IFNAR1: variants seen among roughly 807,000 people sequenced by gnomAD.
IFNAR1 encodes interferon alpha/beta receptor 1.
Under a neutral mutation model 62.1 loss-of-function variants are expected in IFNAR1, and 47 were observed. The ratio of observed to expected loss-of-function variants is 0.76; its 90% CI spans 0.60 to 0.97. The LOEUF (loss-of-function observed/expected upper bound fraction) is 0.97. IFNAR1 is among the 50% of genes least tolerant of loss of function. The pLI is 0.00. For synonymous variants in IFNAR1, 219 were observed against 226.9 expected (o/e 0.97, Z 0.31); for missense variants, 638 against 654.5 (o/e 0.97, Z 0.27).
At chr21:33,324,726 T>G, upstream of IFNAR1, 46 of 355,968 alleles carry the variant, frequency 1.3e-4, no homozygotes, top group East Asian at 2.1e-4. Flanking sequence ...AGACCGGCCA[T>G]AGGCCGGAAA....
intron 5 of IFNAR1, among the ~76,000 whole-genome samples, chr21:33,344,874 G>T (rs534572677): frequency 4.7e-4 from 71 of 151,948 alleles, no homozygotes; most frequent in African/African-American, 1.7e-3. Context: ...CGCAACCTCT[G>T]CCTCCCAGCT....
chr21:33,343,669 G>C lies in IFNAR1; in HGVS notation c.666G>C (p.Lys222Asn). The change falls in exon 5 of 11, where the codon AAG becomes AAC. Residue 222 changes from lysine (K) to asparagine (N), a missense_variant. Lys to Asn is a moderately conservative substitution (Grantham distance 94). Transcript: ENST00000270139. ...IGVYSPVHCIKTTVENELPPP... is the reference protein window; with the variant it reads ...IGVYSPVHCINTTVENELPPP... ...TCTATAGTCCAGTACATTGTATAAA[G>C]ACCACAGGTAAGGAAGATGTTTTGT... 6.3e-7 allele frequency: 1 copy of C among 1,584,362 alleles called. No homozygotes were observed.
intron 8 of IFNAR1, 122 bp from the exon 9 acceptor site, chr21:33,352,636 A>G: frequency 1.9e-6 from 1 of 533,404 alleles, no homozygotes; most frequent in Non-Finnish European, 3.3e-6. Context: ...CAAAACAAAA[A>G]ATACATACCA....
chr21:33,344,962 A>G (rs2083331603), intron 5 of IFNAR1, among the ~76,000 whole-genome samples: 1 of 151,498 alleles, frequency 6.6e-6, no homozygotes, highest in South Asian at 2.1e-4. Context: ...TAATTTTTGT[A>G]TTTTTAGTAG....
chr21:33,341,254 A>G, intron 3 of IFNAR1, 80 bp downstream of exon 3: 1 of 1,083,030 alleles, frequency 9.2e-7, no homozygotes, highest in East Asian at 2.5e-5. Flanking sequence ...ATTCATTTGC[A>G]TGATGCAAAA....
chr21:33,354,076 C>T (rs1289794660), intron 10 of IFNAR1, among the ~76,000 whole-genome samples: 1 of 152,242 alleles, frequency 6.6e-6, no homozygotes, highest in African/African-American at 2.4e-5. Context: ...AGCGTGGTGG[C>T]TCACGCCTGT....
chr21:33,333,135 A>C (rs1235881709), intron 1 of IFNAR1, among the ~76,000 whole-genome samples: 1 of 152,244 alleles, frequency 6.6e-6, no homozygotes, highest in Admixed American at 6.5e-5. Flanking sequence ...ATTTAAGAAA[A>C]TCCCCATTCA....
At chr21:33,336,321 CATT>C (rs2083234336) in intron 2 of IFNAR1, among the ~76,000 whole-genome samples, 1 of 129,602 alleles carries the variant, frequency 7.7e-6, no homozygotes, top group African/African-American at 3.0e-5. Flanking sequence ...TCCAGTCTAT[CATT>C]GTTGGACATT....
rs2083444081 is a variant in IFNAR1, at chr21:33,356,018, A to G, written c.*469A>G. On this transcript the variant is annotated 3_prime_UTR_variant, in exon 11 of 11. Coordinates refer to ENST00000270139, the MANE Select transcript of IFNAR1 (RefSeq NM_000629.3). Reference sequence around the variant, plus strand: ...TGACAGCGTGAGACTCTTTAAAAAAAGAAATTAAAAGAGTTGAGACAAACG... The same window carrying G: ...TGACAGCGTGAGACTCTTTAAAAAAGGAAATTAAAAGAGTTGAGACAAACG... The G allele has an allele frequency of 6.6e-6, 1 of 152,256 alleles. No individual in the cohort carries two copies. The highest frequency in any genetic ancestry group is 1.5e-5 in the Non-Finnish European group (1 of 68,074). 9.4% of individuals were successfully genotyped at this position (152,256 alleles called of 1,614,324 possible).
At chr21:33,339,431 G>C (rs1016640446) in intron 2 of IFNAR1, among the ~76,000 whole-genome samples, 3 of 152,140 alleles carry the variant, frequency 2.0e-5, no homozygotes, top group Admixed American at 2.0e-4. Context: ...AGGTAGACTT[G>C]TATTTGGTTC....
At chr21:33,349,067 T>A (rs1199192554) in intron 6 of IFNAR1, 24 bp from the exon 7 acceptor site, 2 of 1,438,602 alleles carry the variant, frequency 1.4e-6, no homozygotes. Context: ...ATCTAATGAA[T>A]TTAAAAAATA....
chr21:33,333,492 A>G (rs1159730941), intron 1 of IFNAR1, among the ~76,000 whole-genome samples: 1 of 152,212 alleles, frequency 6.6e-6, no homozygotes, highest in African/African-American at 2.4e-5. Flanking sequence ...TAAGAGAGGA[A>G]GAAAGGGGCA....
Position 33,344,471 on chromosome 21 carries a change from T to C in IFNAR1, c.674-775T>C, listed in dbSNP as rs17875879. The stretch of plus-strand genomic sequence containing the variant: ...TTTAATCAAACATTACGGAAGGGTT[T>C]AAAGTGAAGTCTTCTTCTCCCTTCT... On this transcript the variant is annotated intron_variant, in intron 5 of 10. Coordinates refer to ENST00000270139, the MANE Select transcript of IFNAR1 (RefSeq NM_000629.3). Among the ~76,000 whole-genome samples the C allele has an allele frequency of 4.8e-3, 705 of 147,634 alleles. 6 individuals are homozygous for C. Among genetic ancestry groups the C allele is most frequent in the African/African-American group, 0.013 (526 of 41,120 alleles).
At chr21:33,351,367 C>T (rs985784972) in intron 8 of IFNAR1, among the ~76,000 whole-genome samples, 1 of 152,020 alleles carries the variant, frequency 6.6e-6, no homozygotes, top group African/African-American at 2.4e-5. Context: ...AAATGTATTC[C>T]ACATAGTCTC....
rs1391085211 is a variant in IFNAR1 at position 33,349,076 on chromosome 21, TA to T, written c.789-14del. ...ATAAATATCTAATGAATTTAAAAAA[TA>T]TTTGTCTTAAAAGCGCCTTTTTAAA... On this transcript the variant is annotated splice_polypyrimidine_tract_variant and intron_variant, in intron 6 of 10. Coordinates refer to ENST00000270139, the MANE Select transcript of IFNAR1 (RefSeq NM_000629.3). 10 of 1,494,014 alleles carry T rather than the reference TA, an allele frequency of 6.7e-6. No individual in the cohort carries two copies. In the Middle Eastern group the frequency reaches 6.6e-4, roughly 99 times the overall value. The allele number at this position is 1,494,014 out of a possible 1,614,324, so 92.5% of individuals were successfully genotyped here.
At chr21:33,344,353 C>T (rs77163534) in intron 5 of IFNAR1, among the ~76,000 whole-genome samples, 2,730 of 152,100 alleles carry the variant, frequency 0.018, 93 homozygotes, top group African/African-American at 0.063. Context: ...TGAAAGTATC[C>T]TGATACATTT....
chr21:33,337,741 TAC>T (rs1391618926), intron 2 of IFNAR1, among the ~76,000 whole-genome samples: 1 of 151,716 alleles, frequency 6.6e-6, no homozygotes, highest in African/African-American at 2.4e-5. Flanking sequence ...ACATTGTGTA[TAC>T]ATACATATAC....
intron 2 of IFNAR1, among the ~76,000 whole-genome samples, chr21:33,339,927 CAA>C (rs532975886): frequency 0.39 from 31,220 of 80,990 alleles, 4,154 homozygotes; most frequent in African/African-American, 0.5. Context: ...GACTCTGTCT[CAA>C]AAAAAAAAAA....
At chr21:33,352,387 G>A (rs2083406168) in intron 8 of IFNAR1, among the ~76,000 whole-genome samples, 1 of 152,154 alleles carries the variant, frequency 6.6e-6, no homozygotes, top group East Asian at 1.9e-4. Context: ...TGGATCACTT[G>A]AGGCCAGGAG....
Sources: gnomAD v4.1 joint callset for allele counts (sites outside exome capture counted in the v4.1 genomes callset) on GRCh38, gnomAD v4.1.1 for gene constraint, MANE v1.5 for transcripts, NCBI Gene and HGNC (gene_info 2026-07-23, HGNC 2026-07-21) for gene names.